The following FAM193A variants were observed in gnomAD, a reference collection of about 807,000 sequenced individuals.
FAM193A encodes family with sequence similarity 193 member A.
FAM193A carries 22 observed loss-of-function variants against 126.5 expected under a neutral mutation model. That is an observed-to-expected ratio of 0.17 (90% confidence interval 0.12 to 0.25). FAM193A has a LOEUF of 0.25. Ranked by LOEUF, FAM193A falls within the 10% of genes least tolerant of loss-of-function variation. The pLI, the probability that FAM193A is intolerant of heterozygous loss-of-function variation, is 1.00. For missense variants in FAM193A, 1,675 were observed against 1,672.8 expected (o/e 1.00, Z -0.02); for synonymous variants, 761 against 646.8 (o/e 1.18, Z -2.68).
intron 13 of FAM193A, among the ~76,000 whole-genome samples, chr4:2,685,011 C>G (rs563755519): frequency 6.6e-6 from 1 of 152,314 alleles, no homozygotes; most frequent in Admixed American, 6.5e-5. Context: ...TACCGGAACC[C>G]AAGGCATGTG....
intron 1 of FAM193A, among the ~76,000 whole-genome samples, chr4:2,545,145 G>A (rs900860248): frequency 6.6e-6 from 1 of 151,920 alleles, no homozygotes; most frequent in African/African-American, 2.4e-5. Flanking sequence ...GGCATGCGCC[G>A]CCATGCCCAG....
intron 3 of FAM193A, among the ~76,000 whole-genome samples, chr4:2,626,132 G>A (rs1742941773): frequency 6.6e-6 from 1 of 152,176 alleles, no homozygotes; most frequent in Non-Finnish European, 1.5e-5. Flanking sequence ...CCTTGGAGGT[G>A]AAGGCCAGGT....
intron 6 of FAM193A, among the ~76,000 whole-genome samples, chr4:2,645,875 A>G (rs529852211): frequency 3.3e-5 from 5 of 152,348 alleles, no homozygotes; most frequent in East Asian, 3.9e-4. Flanking sequence ...AACTGTAACT[A>G]TATTTCTTCA....
intron 2 of FAM193A, among the ~76,000 whole-genome samples, chr4:2,612,290 A>G (rs1741928133): frequency 6.6e-6 from 1 of 151,738 alleles, no homozygotes; most frequent in Non-Finnish European, 1.5e-5. Context: ...TCACGAGGTC[A>G]GGAATTTGAG....
intron 2 of FAM193A, among the ~76,000 whole-genome samples, chr4:2,622,919 G>A (rs1372928813): frequency 6.6e-6 from 1 of 152,148 alleles, no homozygotes; most frequent in Non-Finnish European, 1.5e-5. Context: ...TCAGAACAGA[G>A]CAAAACATTC....
intron 6 of FAM193A, among the ~76,000 whole-genome samples, chr4:2,643,615 C>A (rs1744852587): frequency 6.6e-6 from 1 of 152,172 alleles, no homozygotes; most frequent in South Asian, 2.1e-4. Flanking sequence ...CTGTAATGGG[C>A]AGTTTCCTTC....
chr4:2,700,214 A>G lies in FAM193A; in HGVS notation c.4042A>G (p.Ser1348Gly). 1 of 1,613,976 alleles carries G rather than the reference A, an allele frequency of 6.2e-7. No individual in the cohort carries two copies. The highest frequency in any genetic ancestry group is 1.3e-5 in the African/African-American group (1 of 75,020). ...QKLRQTSKAS[S>G]EPARRPTEPP... ...GCTGAGGCAGACCAGCAAGGCCAGC[A>G]GCGAGCCAGCGAGGAGGCCCACAGA... Residue 1348 changes from serine to glycine, a missense_variant, in exon 19 of 21, where the codon AGC becomes GGC. By Grantham distance (56) the Ser-to-Gly change is moderately conservative. Transcript: ENST00000637812.
intron 13 of FAM193A, among the ~76,000 whole-genome samples, chr4:2,684,947 C>T (rs144728500): frequency 2.9e-4 from 44 of 152,322 alleles, no homozygotes; most frequent in Middle Eastern, 3.4e-3. Flanking sequence ...CATTTTGCTG[C>T]TCCTTCCACG....
At chr4:2,625,854 T>C (rs561828310) in intron 3 of FAM193A, among the ~76,000 whole-genome samples, 2 of 151,626 alleles carry the variant, frequency 1.3e-5, no homozygotes, top group East Asian at 3.9e-4. Flanking sequence ...AGTCCCGGTA[T>C]CTGGGACTAC....
intron 13 of FAM193A, among the ~76,000 whole-genome samples, chr4:2,674,066 A>G (rs572240601): frequency 2.6e-5 from 4 of 152,372 alleles, no homozygotes; most frequent in Non-Finnish European, 5.9e-5. Context: ...TTAGAAATTT[A>G]TAACTAAACG....
chr4:2,694,878 G>A, intron 16 of FAM193A, 68 bp from the exon 17 acceptor site: 2 of 1,379,654 alleles, frequency 1.4e-6, no homozygotes. Flanking sequence ...GGGTGGTCAT[G>A]TGCAACAATG....
At chr4:2,703,435 T>C (rs926651593) in intron 19 of FAM193A, among the ~76,000 whole-genome samples, 10 of 152,090 alleles carry the variant, frequency 6.6e-5, no homozygotes, top group African/African-American at 2.4e-4. Flanking sequence ...TTAATAGAGA[T>C]GAGGTTTCAC....
intron 13 of FAM193A, among the ~76,000 whole-genome samples, chr4:2,672,907 G>T (rs1484810031): frequency 6.6e-6 from 1 of 152,218 alleles, no homozygotes; most frequent in East Asian, 1.9e-4. Context: ...GCACTGGGGA[G>T]GGGAGGGTAC....
chr4:2,659,943 G>A lies in FAM193A; in HGVS notation c.1634G>A (p.Arg545Lys). The A allele has an allele frequency of 5.6e-6, 9 of 1,614,150 alleles. No individual in the cohort carries two copies. Among genetic ancestry groups the A allele is most frequent in the Non-Finnish European group, 7.6e-6 (9 of 1,180,034 alleles). The change falls in exon 10 of 21, where the codon AGG becomes AAG. Residue 545 changes from arginine (R) to lysine (K), a missense_variant. Physicochemically the swap from Arg to Lys is conservative, Grantham distance 26. Around this residue, in one of 4 missense-constraint regions of FAM193A, gnomAD observed 1,186 missense variants for 1,109.2 expected, o/e 1.07. Coordinates refer to ENST00000637812, the MANE Select transcript of FAM193A (RefSeq NM_001366318.2). ...CCTGCTCCTGACTATCTTGCTGAGA[G>A]GAGCCCGCCCAGTGTGTCATCTGCA... ...VDPAPDYLAE[R>K]SPPSVSSASS...
intron 13 of FAM193A, among the ~76,000 whole-genome samples, chr4:2,678,232 C>T (rs1321166844): frequency 6.6e-6 from 1 of 152,190 alleles, no homozygotes; most frequent in Non-Finnish European, 1.5e-5. Flanking sequence ...GATCTGCCTG[C>T]CTTGGCCTCC....
intron 13 of FAM193A, among the ~76,000 whole-genome samples, chr4:2,685,214 G>C (rs570715745): frequency 6.6e-6 from 1 of 152,152 alleles, no homozygotes; most frequent in African/African-American, 2.4e-5. Flanking sequence ...GCCTGGTGAC[G>C]TGGTGTAAGG....
intron 1 of FAM193A, among the ~76,000 whole-genome samples, chr4:2,590,868 A>G (rs1414534400): frequency 2.6e-5 from 4 of 151,918 alleles, no homozygotes; most frequent in Admixed American, 1.3e-4. Context: ...TCTACTAAAA[A>G]TACAAAAAAT....
In FAM193A at chr4:2,700,271, C is replaced by G; in HGVS notation, c.4099C>G (p.Pro1367Ala). ...CAAGGCCACAGAGGGGCAGTCCAAG[C>G]CCCGGGCCCAGACTGAGTCAAAGGC... ...PPKATEGQSK[P>A]RAQTESKAKV... The change falls in exon 19 of 21, where the codon CCC becomes GCC. Residue 1367 changes from proline (P) to alanine (A), a missense_variant. Physicochemically the swap from Pro to Ala is conservative, Grantham distance 27. Around this residue, in one of 4 missense-constraint regions of FAM193A, gnomAD observed 415 missense variants for 396.7 expected, o/e 1.05. Transcript: ENST00000637812. The G allele has an allele frequency of 6.2e-7, 1 of 1,614,076 alleles. No homozygotes were observed. Among genetic ancestry groups the G allele is most frequent in the Non-Finnish European group, 8.5e-7 (1 of 1,180,014 alleles).
At chr4:2,552,326 T>A (rs1162363662) in intron 1 of FAM193A, among the ~76,000 whole-genome samples, 2 of 151,490 alleles carry the variant, frequency 1.3e-5, no homozygotes, top group Non-Finnish European at 2.9e-5. Flanking sequence ...TTTTTTGGTA[T>A]TTTTTGTAGA....
Sources: allele counts gnomAD v4.1 joint callset (sites outside exome capture counted in the v4.1 genomes callset), GRCh38; gene constraint gnomAD v4.1.1; regional missense constraint gnomAD v4.1.1; transcripts MANE v1.5; gene names NCBI Gene and HGNC (gene_info 2026-07-23, HGNC 2026-07-21).